Variants in MACC1 observed in about 807,000 individuals in gnomAD.
MACC1 encodes the protein MET transcriptional regulator MACC1, also known as metastasis-associated in colon cancer protein 1.
A neutral mutation model predicts 70.7 loss-of-function variants in MACC1; 79 were observed. The ratio of observed to expected loss-of-function variants is 1.12; its 90% CI spans 0.93 to 1.35. The LOEUF is 1.35. Ranked by LOEUF, MACC1 falls within the 40% of genes most tolerant of loss-of-function variation. The pLI, the probability that MACC1 is intolerant of heterozygous loss-of-function variation, is 0.00. For missense variants in MACC1, 1,106 were observed against 978.1 expected (o/e 1.13, Z -1.74); for synonymous variants, 361 against 347.2 (o/e 1.04, Z -0.44).
chr7:20,197,443 C>T (rs574851069), intron 1 of MACC1, among the ~76,000 whole-genome samples: 1 of 152,250 alleles, frequency 6.6e-6, no homozygotes, highest in East Asian at 1.9e-4. Flanking sequence ...TAAACTTAGC[C>T]AAGATAACAA....
rs951744775 is a variant in MACC1, at chr7:20,196,322, A to G, written c.-218+20977T>C. ...CAGCCTCCAGAGTAGCTGGGACTAC[A>G]GGCGCCCGCCACCACGCCCGGCTAA... On this transcript the variant is annotated intron_variant, in intron 1 of 6. Transcript: ENST00000400331. 3.7e-3 allele frequency among the ~76,000 whole-genome samples: 565 copies of G among 152,122 alleles called. 1 individual carries two copies. Among genetic ancestry groups the G allele is most frequent in the Non-Finnish European group, 6.1e-3 (418 of 67,972 alleles).
chr7:20,178,369 C>T (rs371267610), intron 1 of MACC1, among the ~76,000 whole-genome samples: 64 of 152,024 alleles, frequency 4.2e-4, no homozygotes, highest in African/African-American at 1.3e-3. Flanking sequence ...TTCTTATGTT[C>T]TATGCTTTTG....
In MACC1 at chr7:20,196,570, C is replaced by T. The variant is rs138704734; in HGVS notation, c.-218+20729G>A. Among the ~76,000 whole-genome samples the T allele has an allele frequency of 3.3e-4, 50 of 151,798 alleles. No homozygotes were observed. In the East Asian group the frequency reaches 9.5e-3, roughly 29 times the overall value. On this transcript the variant is annotated intron_variant, in intron 1 of 6. Transcript: ENST00000400331. Reference sequence around the variant, plus strand: ...AGTGTATAAATTTATAACAATGGGCCGGGTGCGGCCGGCCCATTTTATATA... The same window carrying T: ...AGTGTATAAATTTATAACAATGGGCTGGGTGCGGCCGGCCCATTTTATATA...
At chr7:20,209,037 G>A (rs572577124) in intron 1 of MACC1, among the ~76,000 whole-genome samples, 1 of 152,230 alleles carries the variant, frequency 6.6e-6, no homozygotes, top group Admixed American at 6.5e-5. Flanking sequence ...TGAGGTTGGG[G>A]TACCTCTGCC....
chr7:20,205,753 T>C (rs1782902300), intron 1 of MACC1, among the ~76,000 whole-genome samples: 1 of 152,084 alleles, frequency 6.6e-6, no homozygotes, highest in African/African-American at 2.4e-5. Context: ...TCCATCCTTT[T>C]CCATGATTTG....
chr7:20,143,173 G>A (rs113382031), intron 6 of MACC1, among the ~76,000 whole-genome samples: 4 of 152,238 alleles, frequency 2.6e-5, no homozygotes, highest in African/African-American at 9.6e-5. Context: ...CCTATCTTGC[G>A]GCAGGACTGT....
intron 6 of MACC1, among the ~76,000 whole-genome samples, chr7:20,147,887 T>C (rs903560195): frequency 2.0e-5 from 3 of 152,178 alleles, no homozygotes; most frequent in African/African-American, 7.2e-5. Flanking sequence ...CAATTCCTAG[T>C]TGGGAGGATT....
At chr7:20,205,281 A>G (rs73278522) in intron 1 of MACC1, among the ~76,000 whole-genome samples, 4,091 of 152,346 alleles carry the variant, frequency 0.027, 203 homozygotes, top group African/African-American at 0.092. Context: ...TTTCATACCA[A>G]AAGAACATAG....
intron 1 of MACC1, among the ~76,000 whole-genome samples, chr7:20,204,548 A>G (rs974063386): frequency 3.3e-5 from 5 of 152,198 alleles, no homozygotes; most frequent in African/African-American, 9.6e-5. Flanking sequence ...TTGTGTCTCA[A>G]TCCGAGTCCA....
intron 6 of MACC1, among the ~76,000 whole-genome samples, chr7:20,152,270 G>A (rs546538485): frequency 3.5e-4 from 53 of 152,122 alleles, no homozygotes; most frequent in African/African-American, 1.2e-3. Context: ...CCCAGCAACT[G>A]CTAGACCTAA....
chr7:20,216,919 T>C (rs1226561303), intron 1 of MACC1, among the ~76,000 whole-genome samples: 1 of 152,210 alleles, frequency 6.6e-6, no homozygotes, highest in Non-Finnish European at 1.5e-5. Context: ...CAAAGCACAG[T>C]CTTTTTAACA....
chr7:20,189,237 G>T (rs572328707), intron 1 of MACC1, among the ~76,000 whole-genome samples: 61 of 151,946 alleles, frequency 4.0e-4, no homozygotes, highest in African/African-American at 1.4e-3. Flanking sequence ...TTTTCTTCAT[G>T]TTACTCACAA....
intron 1 of MACC1, among the ~76,000 whole-genome samples, chr7:20,186,443 T>C (rs931523126): frequency 1.3e-5 from 2 of 152,174 alleles, no homozygotes; most frequent in Non-Finnish European, 2.9e-5. Context: ...AATGTATGGC[T>C]TTTGTCATAA....
intron 6 of MACC1, among the ~76,000 whole-genome samples, chr7:20,149,408 T>G (rs796180811): frequency 6.6e-6 from 1 of 152,210 alleles, no homozygotes; most frequent in Admixed American, 6.5e-5. Context: ...ATGCAAAACA[T>G]TGTCCCAAAT....
intron 6 of MACC1, among the ~76,000 whole-genome samples, chr7:20,151,272 G>C (rs1449860214): frequency 6.6e-6 from 1 of 152,088 alleles, no homozygotes; most frequent in Non-Finnish European, 1.5e-5. Flanking sequence ...TGAATCCCCA[G>C]CATGTCCCCT....
chr7:20,202,715 C>G (rs182626284), intron 1 of MACC1, among the ~76,000 whole-genome samples: 2 of 152,286 alleles, frequency 1.3e-5, no homozygotes, highest in East Asian at 3.9e-4. Context: ...GTTGAACATA[C>G]TTCATGTGGC....
At chr7:20,213,082 T>C (rs767314274) in intron 1 of MACC1, among the ~76,000 whole-genome samples, 2 of 152,084 alleles carry the variant, frequency 1.3e-5, no homozygotes, top group African/African-American at 4.8e-5. Flanking sequence ...ATAATTAAGA[T>C]GTGGAAAATG....
intron 1 of MACC1, among the ~76,000 whole-genome samples, chr7:20,192,100 T>G (rs1206190516): frequency 6.6e-6 from 1 of 152,196 alleles, no homozygotes; most frequent in Non-Finnish European, 1.5e-5. Flanking sequence ...TTCTGACTTT[T>G]CAATGTTAAG....
intron 1 of MACC1, among the ~76,000 whole-genome samples, chr7:20,200,401 C>T (rs1782816019): frequency 6.6e-6 from 1 of 152,006 alleles, no homozygotes; most frequent in Admixed American, 6.5e-5. Context: ...CGATGACTTC[C>T]AAGGAAAAAA....
Sources: gnomAD v4.1 joint callset for allele counts (sites outside exome capture counted in the v4.1 genomes callset) on GRCh38, gnomAD v4.1.1 for gene constraint, MANE v1.5 for transcripts, NCBI Gene and HGNC (gene_info 2026-07-23, HGNC 2026-07-21) for gene names.